Variants in KLHL14 observed in about 807,000 individuals in gnomAD.
KLHL14 encodes the protein kelch like family member 14.
In KLHL14, 22 loss-of-function variants were observed where a neutral mutation model predicts 64.3. The ratio of observed to expected loss-of-function variants is 0.34; its 90% CI spans 0.24 to 0.49. The LOEUF is 0.49. KLHL14 is among the 20% of genes least tolerant of loss of function. KLHL14 has a pLI of 0.99. For synonymous variants in KLHL14, 322 were observed against 333.4 expected (o/e 0.97, Z 0.37); for missense variants, 661 against 789.0 (o/e 0.84, Z 1.94).
At chr18:32,771,379 C>G (rs1215885742) in intron 1 of KLHL14, among the ~76,000 whole-genome samples, 3 of 152,150 alleles carry the variant, frequency 2.0e-5, no homozygotes, top group Non-Finnish European at 4.4e-5. Context: ...CTTATCAATT[C>G]GAGCTCATTT....
intron 3 of KLHL14, among the ~76,000 whole-genome samples, chr18:32,698,827 T>C (rs7226534): frequency 0.1 from 15,472 of 152,166 alleles, 2,232 homozygotes; most frequent in African/African-American, 0.32. Context: ...TGTACCATTT[T>C]TGCCCGTTCC....
In KLHL14 at chr18:32,700,601, T is replaced by C. The variant is rs2049961151; in HGVS notation, c.1070-5049A>G. ...TTTTTAGCACTTAATAATATATTCA[T>C]TCTTTCTTTCTCCATTAATCAAGTA... On this transcript the variant is annotated intron_variant, in intron 3 of 8. Transcript: ENST00000359358. Among the ~76,000 whole-genome samples, 6 of 152,290 alleles carry C rather than the reference T, an allele frequency of 3.9e-5. 1 individual carries two copies. The South Asian group carries it at 1.2e-3, about 32-fold the overall frequency.
rs1343907928 is a variant in KLHL14, at chr18:32,726,521, G to A, written c.1069+15407C>T. Among the ~76,000 whole-genome samples the A allele has an allele frequency of 5.9e-5, 9 of 152,112 alleles. 1 individual carries two copies. In the South Asian group the frequency reaches 1.5e-3, roughly 25 times the overall value. ...CGCCTGTAATCCCAGCTACTTGGGA[G>A]GCTGAGGTAGGAGAATCACTTGAAC... is the stretch of plus-strand genomic sequence containing the variant. On this transcript the variant is annotated intron_variant, in intron 3 of 8. Coordinates refer to ENST00000359358, the MANE Select transcript of KLHL14 (RefSeq NM_020805.3).
At chr18:32,695,684 G>GT in intron 3 of KLHL14, 132 bp from the exon 4 acceptor site, 1 of 642,704 alleles carries the variant, frequency 1.6e-6, no homozygotes. Context: ...GATTGAACAG[G>GT]TGGCCAAGCC....
In KLHL14 at chr18:32,769,901, G is replaced by A. The variant is rs765305395; in HGVS notation, c.691C>T (p.Pro231Ser). The A allele has an allele frequency of 1.9e-6, 3 of 1,613,978 alleles. No individual in the cohort carries two copies. The highest frequency in any genetic ancestry group is 2.7e-5 in the African/African-American group (2 of 74,938). ...MRALLDSLPP[P>S]VESELALFQM... The stretch of plus-strand genomic sequence containing the variant: ...AAGAGCGCCAGCTCCGACTCCACGG[G>A]GGGCGGCAGCGAGTCCAGCAGGGCG... The change falls in exon 2 of 9, where the codon CCC (proline) becomes TCC (serine). Residue 231 changes from proline (P) to serine (S), a missense_variant. Transcript: ENST00000359358.
At chr18:32,748,849 G>T (rs954636631) in intron 2 of KLHL14, among the ~76,000 whole-genome samples, 1 of 152,090 alleles carries the variant, frequency 6.6e-6, no homozygotes, top group Non-Finnish European at 1.5e-5. Flanking sequence ...GACCTAAGGC[G>T]CAGGCATCTT....
intron 3 of KLHL14, among the ~76,000 whole-genome samples, chr18:32,710,991 G>A (rs1431326794): frequency 2.0e-5 from 3 of 152,274 alleles, no homozygotes; most frequent in Non-Finnish European, 2.9e-5. Flanking sequence ...TCAGTAGAAA[G>A]GCCTGGAAGA....
intron 3 of KLHL14, among the ~76,000 whole-genome samples, chr18:32,721,925 A>C (rs575093133): frequency 1.5e-4 from 23 of 152,264 alleles, no homozygotes; most frequent in African/African-American, 5.3e-4. Context: ...GTCTCCACCC[A>C]AATCTCACCT....
At chr18:32,751,821 T>C (rs1482634007) in intron 2 of KLHL14, among the ~76,000 whole-genome samples, 1 of 152,182 alleles carries the variant, frequency 6.6e-6, no homozygotes, top group East Asian at 1.9e-4. Context: ...TAAATGAAGA[T>C]ATGACGAATA....
At chr18:32,758,963 T>C (rs1170589825) in intron 2 of KLHL14, among the ~76,000 whole-genome samples, 2 of 152,126 alleles carry the variant, frequency 1.3e-5, no homozygotes, top group Admixed American at 1.3e-4. Context: ...GAGGGAATGA[T>C]TGGTGATTGC....
rs531684037 is a variant in KLHL14 at position 32,715,686 on chromosome 18, G to A, written c.1070-20134C>T. Among the ~76,000 whole-genome samples, 10 of 152,140 alleles carry A rather than the reference G, an allele frequency of 6.6e-5. No homozygotes were observed. In the South Asian group the frequency reaches 1.2e-3, roughly 19 times the overall value. On this transcript the variant is annotated intron_variant, in intron 3 of 8. Coordinates refer to ENST00000359358, the MANE Select transcript of KLHL14 (RefSeq NM_020805.3). ...TAGGAATACACGTATATTTAAATACGGGTGATCTTTTTTGATTAAGTAGTT... is the reference window on the plus strand; with the variant it reads ...TAGGAATACACGTATATTTAAATACAGGTGATCTTTTTTGATTAAGTAGTT...
chr18:32,702,709 G>T (rs1181712405), intron 3 of KLHL14, among the ~76,000 whole-genome samples: 1 of 151,934 alleles, frequency 6.6e-6, no homozygotes, highest in African/African-American at 2.4e-5. Flanking sequence ...TATCATTACG[G>T]ACAGTTAGTC....
chr18:32,678,959 C>T (rs2049824493), intron 7 of KLHL14, among the ~76,000 whole-genome samples: 1 of 152,084 alleles, frequency 6.6e-6, no homozygotes, highest in Admixed American at 6.6e-5. Context: ...AAAGAAATCA[C>T]ATTTTAACAT....
intron 3 of KLHL14, among the ~76,000 whole-genome samples, chr18:32,737,045 G>C (rs8092034): frequency 0.045 from 6,882 of 152,056 alleles, 529 homozygotes; most frequent in African/African-American, 0.16. Flanking sequence ...AAAGGAATGA[G>C]GTCTATAAAT....
chr18:32,731,386 C>G (rs1280312260), intron 3 of KLHL14, among the ~76,000 whole-genome samples: 1 of 151,802 alleles, frequency 6.6e-6, no homozygotes, highest in Non-Finnish European at 1.5e-5. Flanking sequence ...AATGCAGGAG[C>G]AGAAAACCAA....
intron 3 of KLHL14, among the ~76,000 whole-genome samples, chr18:32,707,242 C>A (rs1056856560): frequency 2.0e-5 from 3 of 152,216 alleles, no homozygotes; most frequent in African/African-American, 7.2e-5. Flanking sequence ...GAAGCCAGGT[C>A]TTGGAAACCA....
chr18:32,690,630 G>A (rs1299758466), intron 4 of KLHL14, among the ~76,000 whole-genome samples: 1 of 152,140 alleles, frequency 6.6e-6, no homozygotes, highest in African/African-American at 2.4e-5. Flanking sequence ...TTGGGAAGCT[G>A]GGGCAGGAGA....
chr18:32,714,956 C>G (rs1192704832), intron 3 of KLHL14, among the ~76,000 whole-genome samples: 1 of 151,286 alleles, frequency 6.6e-6, no homozygotes, highest in Non-Finnish European at 1.5e-5. Flanking sequence ...CTTGACTCTA[C>G]TCTTCCTTAG....
At chr18:32,727,845 C>T (rs2144516998) in intron 3 of KLHL14, among the ~76,000 whole-genome samples, 1 of 152,158 alleles carries the variant, frequency 6.6e-6, no homozygotes, top group African/African-American at 2.4e-5. Flanking sequence ...AGGAGTACCC[C>T]CATGTCATTA....
Sources: allele counts gnomAD v4.1 joint callset (sites outside exome capture counted in the v4.1 genomes callset), GRCh38; gene constraint gnomAD v4.1.1; transcripts MANE v1.5; gene names NCBI Gene and HGNC (gene_info 2026-07-23, HGNC 2026-07-21).